The following LAMA2 variants were observed in gnomAD, a reference collection of about 807,000 sequenced individuals.
LAMA2 encodes the protein laminin subunit alpha 2, also known as laminin subunit alpha-2.
LAMA2 carries 269 observed loss-of-function variants against 364.8 expected under a neutral mutation model. That is an observed-to-expected ratio of 0.74 (90% CI 0.67 to 0.82). LAMA2 has a LOEUF of 0.82. Among genes scored for constraint, LAMA2 ranks in the 40% least tolerant of loss-of-function variants. The pLI, the probability that LAMA2 is intolerant of heterozygous loss-of-function variation, is 0.00. For missense variants in LAMA2, 3,807 were observed against 3,873.2 expected, an observed-to-expected ratio of 0.98 and a Z score of 0.45; for synonymous variants, 1,379 against 1,370.6, an observed-to-expected ratio of 1.01 and a Z score of -0.14.
chr6:128,913,861 C>T (rs1259920967), intron 1 of LAMA2, among the ~76,000 whole-genome samples: 2 of 152,076 alleles, frequency 1.3e-5, no homozygotes, highest in Admixed American at 6.6e-5. Flanking sequence ...GTTATGGAAA[C>T]GCTCTATATT....
At chr6:129,375,947 C>A (rs1385379997) in intron 34 of LAMA2, among the ~76,000 whole-genome samples, 1 of 152,188 alleles carries the variant, frequency 6.6e-6, no homozygotes, top group East Asian at 1.9e-4. Context: ...TCACTCTACT[C>A]CCTCTTTCAT....
At position 129,514,315 on chromosome 6, in the gene LAMA2, C is replaced by T. The variant is rs117674608; in HGVS notation, c.8989-58C>T. On this transcript the variant is annotated intron_variant, in intron 63 of 64. Coordinates refer to ENST00000421865, the MANE Select transcript of LAMA2 (RefSeq NM_000426.4). Reference sequence around the variant, plus strand: ...AGACCTGATCATTTGTATGTGTGAACCATCATGATACTTCTTTAATGAAAC... The same window carrying T: ...AGACCTGATCATTTGTATGTGTGAATCATCATGATACTTCTTTAATGAAAC... The T allele has an allele frequency of 3.2e-3, 3,779 of 1,191,686 alleles. 11 individuals carry two copies. Among genetic ancestry groups the T allele is most frequent in the Non-Finnish European group, 4.3e-3 (3,470 of 800,728 alleles). The allele number at this position is 1,191,686 out of a possible 1,614,324, so 73.8% of individuals were successfully genotyped here. A position where few individuals can be genotyped will look rare whatever the true frequency, so the allele number is the denominator to read the frequency against.
At position 129,032,223 on chromosome 6, in the gene LAMA2, C is replaced by T. The variant is rs1325989553; in HGVS notation, c.113-17695C>T. 2.0e-5 allele frequency among the ~76,000 whole-genome samples: 3 copies of T among 152,288 alleles called. No individual in the cohort carries two copies. The East Asian group carries it at 5.8e-4, about 29-fold the overall frequency. On this transcript the variant is annotated intron_variant, in intron 1 of 64. Transcript: ENST00000421865. Reference sequence around the variant, plus strand: ...GTAAACAAAACATACATAGTCTCTCCCATCATGAAGCTTACGTTCCAGCAA... The same window carrying T: ...GTAAACAAAACATACATAGTCTCTCTCATCATGAAGCTTACGTTCCAGCAA...
chr6:129,184,560 G>A (rs952084687), intron 10 of LAMA2, among the ~76,000 whole-genome samples: 3 of 151,754 alleles, frequency 2.0e-5, no homozygotes, highest in African/African-American at 7.2e-5. Context: ...CTTGATATCT[G>A]ATCCCTCTGG....
intron 4 of LAMA2, among the ~76,000 whole-genome samples, chr6:129,113,162 A>G (rs897716424): frequency 2.0e-5 from 3 of 152,042 alleles, no homozygotes; most frequent in Admixed American, 2.0e-4. Context: ...TTTTCCAACA[A>G]TGTTTACATA....
intron 3 of LAMA2, among the ~76,000 whole-genome samples, chr6:129,089,749 A>T (rs770088122): frequency 8.5e-5 from 13 of 152,242 alleles, no homozygotes; most frequent in Admixed American, 2.6e-4. Context: ...TGACGTTGTT[A>T]AAAATGATAG....
chr6:129,514,391 A>G lies in LAMA2; in HGVS notation c.9007A>G (p.Asn3003Asp), dbSNP rs371558408. Residue 3003 changes from asparagine (N) to aspartate (D), a missense_variant, in exon 64 of 65, where the codon AAT becomes GAT. Transcript: ENST00000421865. The part of the protein sequence containing the change: ...IDEKLMFHVD[N>D]GAGRFTAVYD... ...TTTCCAGTTGATGTTTCATGTGGAC[A>G]ATGGTGCGGGCAGATTCACTGCTGT... 2 of 1,613,488 alleles carry G rather than the reference A, an allele frequency of 1.2e-6. No individual in the cohort carries two copies. The highest frequency in any genetic ancestry group is 1.1e-5 in the South Asian group (1 of 91,078).
At chr6:128,901,669 A>G (rs970809456) in intron 1 of LAMA2, among the ~76,000 whole-genome samples, 2 of 152,224 alleles carry the variant, frequency 1.3e-5, no homozygotes, top group Non-Finnish European at 2.9e-5. Context: ...ACTATGTTAC[A>G]TAGTTACTGA....
intron 1 of LAMA2, among the ~76,000 whole-genome samples, chr6:128,885,757 C>G (rs1290930211): frequency 6.6e-6 from 1 of 152,126 alleles, no homozygotes; most frequent in Admixed American, 6.6e-5. Flanking sequence ...GAGTTAGAAA[C>G]ATAACCAGAC....
chr6:129,436,983 C>T (rs1277181000), intron 41 of LAMA2: 2 of 151,994 alleles, frequency 1.3e-5, no homozygotes, highest in Admixed American at 6.6e-5. Context: ...GGTGAGGCTT[C>T]TCTGATTTCT....
chr6:129,218,802 G>A (rs945111528), intron 12 of LAMA2, among the ~76,000 whole-genome samples: 3 of 152,136 alleles, frequency 2.0e-5, no homozygotes, highest in Non-Finnish European at 4.4e-5. Context: ...ATATGGAAAT[G>A]TAATGTTTTC....
In LAMA2 at chr6:129,149,047, T is replaced by C. The variant is rs1383742875; in HGVS notation, c.978T>C (p.His326=). The stretch of plus-strand genomic sequence containing the variant: ...GTGATCAGTGCTGTCCAGGATTCCA[T>C]CAGAAACCCTGGAGAGCTGGAACTT... ...DSCDQCCPGF[H]QKPWRAGTFL... The change falls in exon 7 of 65, where the codon CAT becomes CAC. Residue 326 remains histidine (H), a synonymous_variant. Transcript: ENST00000421865. 6.2e-7 allele frequency: 1 copy of C among 1,613,198 alleles called. No homozygotes were observed. The highest frequency in any genetic ancestry group is 8.5e-7 in the Non-Finnish European group (1 of 1,179,278).
intron 22 of LAMA2, among the ~76,000 whole-genome samples, chr6:129,302,422 C>T (rs369875621): frequency 1.1e-4 from 17 of 151,970 alleles, no homozygotes; most frequent in Non-Finnish European, 2.2e-4. Flanking sequence ...TGTTCTTTAA[C>T]GTATGTTAAA....
chr6:129,427,642 G>A, intron 40 of LAMA2, 110 bp from the exon 41 acceptor site: 1 of 777,324 alleles, frequency 1.3e-6, no homozygotes, highest in East Asian at 2.4e-5. Flanking sequence ...TATATCTGCA[G>A]CCCAGAGCTC....
chr6:129,427,894 G>T (rs375780563), intron 41 of LAMA2, 40 bp downstream of exon 41: 11 of 1,211,140 alleles, frequency 9.1e-6, no homozygotes, highest in Non-Finnish European at 1.4e-5. Flanking sequence ...CCAGTTAATC[G>T]GGTTGTTACT....
intron 3 of LAMA2, among the ~76,000 whole-genome samples, chr6:129,063,538 T>A (rs1428116113): frequency 6.6e-6 from 1 of 152,276 alleles, no homozygotes; most frequent in African/African-American, 2.4e-5. Flanking sequence ...AGTAGACTTT[T>A]CAAACACATA....
intron 6 of LAMA2, among the ~76,000 whole-genome samples, chr6:129,148,455 A>G (rs951878737): frequency 6.6e-6 from 1 of 152,036 alleles, no homozygotes; most frequent in African/African-American, 2.4e-5. Context: ...CCAGGCTTTA[A>G]AAGTCCACAA....
intron 3 of LAMA2, among the ~76,000 whole-genome samples, chr6:129,082,900 T>A (rs556403437): frequency 6.6e-6 from 1 of 152,256 alleles, no homozygotes; most frequent in East Asian, 1.9e-4. Context: ...ACTTTCCTAT[T>A]GATTGTTTTC....
intron 1 of LAMA2, among the ~76,000 whole-genome samples, chr6:128,884,750 C>T (rs575268835): frequency 7.2e-5 from 11 of 152,202 alleles, no homozygotes; most frequent in African/African-American, 2.6e-4. Context: ...AAAAATTCTA[C>T]TTTTAACTAT....
Sources: gnomAD v4.1 joint callset for allele counts (sites outside exome capture counted in the v4.1 genomes callset) on GRCh38, gnomAD v4.1.1 for gene constraint, MANE v1.5 for transcripts, NCBI Gene and HGNC (gene_info 2026-07-23, HGNC 2026-07-21) for gene names.